PPFIA1: variants seen among roughly 807,000 people sequenced by gnomAD.
PPFIA1 encodes PPFI scaffold protein A1.
A neutral mutation model predicts 149.9 loss-of-function variants in PPFIA1; 25 were observed. That is an observed-to-expected ratio of 0.17 (90% confidence interval 0.12 to 0.23). PPFIA1 has a LOEUF of 0.23. PPFIA1 is among the 10% of genes least tolerant of loss of function. PPFIA1 has a pLI of 1.00. For synonymous variants in PPFIA1, 549 were observed against 552.8 expected, an observed-to-expected ratio of 0.99 and a Z score of 0.10; for missense variants, 1,362 against 1,506.5, an observed-to-expected ratio of 0.90 and a Z score of 1.59.
At chr11:70,326,498 T>A in intron 6 of PPFIA1, 99 bp from the exon 7 acceptor site, 2 of 1,282,454 alleles carry the variant, frequency 1.6e-6, no homozygotes, top group Non-Finnish European at 2.2e-6. Context: ...TCCAACAGAT[T>A]GCATAAGTCA....
chr11:70,353,291 C>T (rs2056175197), intron 16 of PPFIA1, among the ~76,000 whole-genome samples: 2 of 152,162 alleles, frequency 1.3e-5, no homozygotes, highest in African/African-American at 4.8e-5. Context: ...ATCAGTTGAG[C>T]ACAGGAGTTT....
chr11:70,312,000 G>A (rs539517738), intron 2 of PPFIA1, among the ~76,000 whole-genome samples: 5 of 150,516 alleles, frequency 3.3e-5, no homozygotes, highest in Admixed American at 1.3e-4. Context: ...GCACCACCAC[G>A]CCTGGCTATT....
intron 2 of PPFIA1, among the ~76,000 whole-genome samples, chr11:70,275,067 TGAG>T (rs2050306296): frequency 6.6e-6 from 1 of 152,222 alleles, no homozygotes. Flanking sequence ...CAGCAATGTA[TGAG>T]AAGTCAGTTG....
chr11:70,340,754 G>A (rs1242276587), intron 14 of PPFIA1, among the ~76,000 whole-genome samples: 1 of 151,872 alleles, frequency 6.6e-6, no homozygotes, highest in Non-Finnish European at 1.5e-5. Context: ...AAATTACTAC[G>A]GAGCTCAGTG....
chr11:70,318,757 G>C (rs2053774991), intron 2 of PPFIA1, among the ~76,000 whole-genome samples: 2 of 152,226 alleles, frequency 1.3e-5, no homozygotes, highest in African/African-American at 4.8e-5. Context: ...ACAAGCATCA[G>C]TCAGCTCATT....
intron 9 of PPFIA1, chr11:70,332,939 A>G (rs1293292963): frequency 2.3e-6 from 1 of 435,690 alleles, no homozygotes; most frequent in African/African-American, 2.0e-5. Flanking sequence ...GTAAGAACCT[A>G]TCCTCCCACT....
At chr11:70,287,449 A>C (rs1286165123) in intron 2 of PPFIA1, among the ~76,000 whole-genome samples, 1 of 151,432 alleles carries the variant, frequency 6.6e-6, no homozygotes, top group Admixed American at 6.6e-5. Context: ...GTGTATACTG[A>C]TTCTCAAAAA....
intron 9 of PPFIA1, among the ~76,000 whole-genome samples, chr11:70,332,792 G>A (rs1159658318): frequency 3.9e-5 from 6 of 152,218 alleles, no homozygotes. Flanking sequence ...AGCAGCAGGA[G>A]CTGAGGCCCC....
intron 2 of PPFIA1, among the ~76,000 whole-genome samples, chr11:70,313,567 T>C (rs140593825): frequency 1.6e-4 from 24 of 151,930 alleles, no homozygotes; most frequent in African/African-American, 5.3e-4. Flanking sequence ...CTAGAAGATA[T>C]GTGTGTGAGG....
Position 70,376,572 on chromosome 11 carries a change from T to C in PPFIA1, c.3356T>C (p.Val1119Ala), listed in dbSNP as rs757711467. The change falls in exon 25 of 28, where the codon GTC becomes GCC. Residue 1119 changes from valine (V) to alanine (A), a missense_variant. Transcript: ENST00000253925. ...VLEREFNNLLVMGTDRRFDED... is the reference protein window; with the variant it reads ...VLEREFNNLLAMGTDRRFDED... ...GAAAGAGAATTTAACAACCTTTTGG[T>C]CATGGGGACTGATAGAAGGTTTGAT... 1 of 1,614,000 alleles carries C rather than the reference T, an allele frequency of 6.2e-7. No individual in the cohort carries two copies.
At chr11:70,333,380 C>A in intron 9 of PPFIA1, 90 bp from the exon 10 acceptor site, 1 of 957,120 alleles carries the variant, frequency 1.0e-6, no homozygotes, top group Non-Finnish European at 1.7e-6. Flanking sequence ...CCACGCAGAG[C>A]ATGTTGTGCC....
Position 70,339,319 on chromosome 11 carries a change from T to TGTGAAATACCTCTGCTTAC in PPFIA1, c.1707+20_1707+38dup. The TGTGAAATACCTCTGCTTAC allele has an allele frequency of 1.2e-6, 2 of 1,610,028 alleles. No individual in the cohort carries two copies. Among genetic ancestry groups the TGTGAAATACCTCTGCTTAC allele is most frequent in the Non-Finnish European group, 1.7e-6 (2 of 1,177,038 alleles). On this transcript the variant is annotated intron_variant, in intron 14 of 27. Transcript: ENST00000253925. ...TGAGCCTTCCAAGGCAAGGTCTTTGTGTGAAATACCTCTGCTTACGTGAAA... is the reference window on the plus strand; with the variant it reads ...TGAGCCTTCCAAGGCAAGGTCTTTGTGTGAAATACCTCTGCTTACGTGAAATACCTCTGCTTACGTGAAA...
chr11:70,337,538 T>C, intron 12 of PPFIA1, 111 bp downstream of exon 12: 3 of 689,810 alleles, frequency 4.3e-6, no homozygotes, highest in Non-Finnish European at 2.3e-6. Context: ...GTGGCTCTCA[T>C]AGTCCACTGC....
At chr11:70,324,757 A>T (rs1054635691) in intron 3 of PPFIA1, 90 bp from the exon 4 acceptor site, 7 of 1,245,174 alleles carry the variant, frequency 5.6e-6, no homozygotes, top group Non-Finnish European at 7.8e-6. Flanking sequence ...TCATTTTAGT[A>T]TGAGACTGTA....
In PPFIA1 at chr11:70,337,443, C is replaced by T. The variant is rs2055051769; in HGVS notation, c.1491+16C>T. The stretch of plus-strand genomic sequence containing the variant: ...ACACGATAAGGTACTGAAATCTTCT[C>T]TAAATCCATGAAGAGCCAAGTTGAA... On this transcript the variant is annotated intron_variant, in intron 12 of 27. Coordinates refer to ENST00000253925, the MANE Select transcript of PPFIA1 (RefSeq NM_003626.5). The T allele has an allele frequency of 6.4e-7, 1 of 1,566,018 alleles. No homozygotes were observed. The highest frequency in any genetic ancestry group is 1.8e-5 in the Admixed American group (1 of 54,172).
intron 11 of PPFIA1, among the ~76,000 whole-genome samples, chr11:70,336,331 A>G (rs985790380): frequency 5.3e-5 from 8 of 152,114 alleles, no homozygotes; most frequent in African/African-American, 1.7e-4. Flanking sequence ...GCCAAACGCC[A>G]TCTCTACTAA....
At chr11:70,379,283 G>A (rs908816422) in intron 26 of PPFIA1, among the ~76,000 whole-genome samples, 5 of 151,530 alleles carry the variant, frequency 3.3e-5, no homozygotes, top group South Asian at 2.1e-4. Context: ...GCGAAACCCC[G>A]TCTCTACAAA....
chr11:70,295,548 C>T (rs1418783793), intron 2 of PPFIA1, among the ~76,000 whole-genome samples: 16 of 135,656 alleles, frequency 1.2e-4, no homozygotes, highest in South Asian at 9.3e-4. Context: ...GGCGGCTGGC[C>T]GGGCGGGGGG....
chr11:70,362,555 C>G, intron 21 of PPFIA1, 67 bp downstream of exon 21: 2 of 1,460,222 alleles, frequency 1.4e-6, no homozygotes, highest in Non-Finnish European at 1.8e-6. Context: ...TATCACTGCC[C>G]TGTTTACATT....
Sources: gnomAD v4.1 joint callset for allele counts (sites outside exome capture counted in the v4.1 genomes callset) on GRCh38, gnomAD v4.1.1 for gene constraint, MANE v1.5 for transcripts, NCBI Gene and HGNC (gene_info 2026-07-23, HGNC 2026-07-21) for gene names.